Variants in PDCD1LG2 observed in about 807,000 individuals in gnomAD.
PDCD1LG2 encodes programmed cell death 1 ligand 2.
In PDCD1LG2, 32 loss-of-function variants were observed where a neutral mutation model predicts 28.2. That is an observed-to-expected ratio of 1.13 (90% CI 0.86 to 1.52). The LOEUF (loss-of-function observed/expected upper bound fraction) is 1.52. Ranked by LOEUF, PDCD1LG2 falls within the 40% of genes most tolerant of loss-of-function variation. The pLI, the probability that PDCD1LG2 is intolerant of heterozygous loss-of-function variation, is 0.00. For missense variants in PDCD1LG2, 385 were observed against 323.8 expected, an observed-to-expected ratio of 1.19 and a Z score of -1.45; for synonymous variants, 116 against 120.2, an observed-to-expected ratio of 0.97 and a Z score of 0.23.
At chr9:5,559,574 G>A (rs924455229) in intron 5 of PDCD1LG2, among the ~76,000 whole-genome samples, 27 of 152,154 alleles carry the variant, frequency 1.8e-4, no homozygotes, top group African/African-American at 6.5e-4. Flanking sequence ...TGTAAAAGGG[G>A]AAGCAGCAAG....
chr9:5,515,307 GGTTGTTTGAACAT>G (rs1820136201), intron 1 of PDCD1LG2, among the ~76,000 whole-genome samples: 2 of 152,182 alleles, frequency 1.3e-5, no homozygotes, highest in African/African-American at 4.8e-5. Context: ...GAGGTGGCAT[GGTTGTTTGAACAT>G]GTTCGTTTTT....
Position 5,553,404 on chromosome 9 carries a change from C to T in PDCD1LG2, c.631+3800C>T, listed in dbSNP as rs557210537. On this transcript the variant is annotated intron_variant, in intron 4 of 6. Coordinates refer to ENST00000397747, the MANE Select transcript of PDCD1LG2 (RefSeq NM_025239.4). ...TGGAATTGTTTATTCAACTGTCGTTCGTTATATGGAATTTCCTGCCTGGTT... is the reference window on the plus strand; with the variant it reads ...TGGAATTGTTTATTCAACTGTCGTTTGTTATATGGAATTTCCTGCCTGGTT... Among the ~76,000 whole-genome samples the T allele has an allele frequency of 2.6e-5, 4 of 152,126 alleles. No homozygotes were observed. In the South Asian group the frequency reaches 8.3e-4, roughly 32 times the overall value.
At chr9:5,513,977 T>C (rs1820108893) in intron 1 of PDCD1LG2, among the ~76,000 whole-genome samples, 3 of 152,342 alleles carry the variant, frequency 2.0e-5, no homozygotes, top group South Asian at 2.1e-4. Context: ...TTCAGATCAA[T>C]TGGGTATGCA....
chr9:5,546,524 G>T (rs1159758081), intron 3 of PDCD1LG2, among the ~76,000 whole-genome samples: 1 of 152,222 alleles, frequency 6.6e-6, no homozygotes, highest in Non-Finnish European at 1.5e-5. Flanking sequence ...GCTTCAAGGA[G>T]ATTGGTGAGT....
chr9:5,561,519 G>C (rs750786775), intron 5 of PDCD1LG2, among the ~76,000 whole-genome samples: 13 of 152,298 alleles, frequency 8.5e-5, no homozygotes, highest in South Asian at 6.2e-4. Flanking sequence ...AATACAAATT[G>C]GTTCAGTCAA....
intron 2 of PDCD1LG2, among the ~76,000 whole-genome samples, chr9:5,531,887 C>A (rs1820490863): frequency 6.6e-6 from 1 of 152,146 alleles, no homozygotes; most frequent in African/African-American, 2.4e-5. Flanking sequence ...AATTCTTGAA[C>A]TTGGCATATG....
chr9:5,523,602 T>C lies in PDCD1LG2; in HGVS notation c.55+1001T>C, dbSNP rs534146581. ...TGAGATATTCTGCTTACTTCTACTCTGCTCCTGCCTGCAGGGCCAGCTAAA... is the reference window on the plus strand; with the variant it reads ...TGAGATATTCTGCTTACTTCTACTCCGCTCCTGCCTGCAGGGCCAGCTAAA... On this transcript the variant is annotated intron_variant, in intron 2 of 6. Coordinates refer to ENST00000397747, the MANE Select transcript of PDCD1LG2 (RefSeq NM_025239.4). Among the ~76,000 whole-genome samples, 179 of 152,356 alleles carry C rather than the reference T, an allele frequency of 1.2e-3. 1 individual carries two copies. Among genetic ancestry groups the C allele is most frequent in the Non-Finnish European group, 2.1e-3 (142 of 68,036 alleles).
chr9:5,559,579 A>T (rs1182028301), intron 5 of PDCD1LG2, among the ~76,000 whole-genome samples: 2 of 152,236 alleles, frequency 1.3e-5, no homozygotes, highest in Non-Finnish European at 2.9e-5. Flanking sequence ...AAGGGGAAGC[A>T]GCAAGAGAAG....
At position 5,542,535 on chromosome 9, in the gene PDCD1LG2, T is replaced by C. The variant is rs143126263; in HGVS notation, c.362-6800T>C. On this transcript the variant is annotated intron_variant, in intron 3 of 6. Transcript: ENST00000397747. ...TCAAAAAATGGGCTAAGGACATGAA[T>C]AGACAATTCTCACAAGGAGATACAC... 2.9e-3 allele frequency among the ~76,000 whole-genome samples: 444 copies of C among 152,140 alleles called. 1 individual carries two copies. The highest frequency in any genetic ancestry group is 0.01 in the African/African-American group (431 of 41,504).
chr9:5,521,065 T>C lies in PDCD1LG2; in HGVS notation c.-14-1468T>C, dbSNP rs888941480. Among the ~76,000 whole-genome samples, 3 of 152,182 alleles carry C rather than the reference T, an allele frequency of 2.0e-5. No homozygotes were observed. The East Asian group carries it at 5.8e-4, about 29-fold the overall frequency. On this transcript the variant is annotated intron_variant, in intron 1 of 6. Transcript: ENST00000397747. ...AACGCAGTGCTGATATATGCTACAA[T>C]ACAGATGAACCTTGACAACATTATG...
At chr9:5,557,777 C>A in intron 5 of PDCD1LG2, 25 bp downstream of exon 5, 1 of 1,612,922 alleles carries the variant, frequency 6.2e-7, no homozygotes, top group Non-Finnish European at 8.5e-7. Flanking sequence ...TTCATGGTAA[C>A]CCAATGCACT....
At chr9:5,528,074 C>T (rs1439818711) in intron 2 of PDCD1LG2, among the ~76,000 whole-genome samples, 1 of 151,850 alleles carries the variant, frequency 6.6e-6, no homozygotes, top group Non-Finnish European at 1.5e-5. Context: ...AGGTGATCCA[C>T]CCACCTTGGC....
Position 5,569,836 on chromosome 9 carries a change from G to A in PDCD1LG2, c.817-118G>A, listed in dbSNP as rs972425996. The A allele has an allele frequency of 5.5e-5, 55 of 1,004,140 alleles. 1 individual carries two copies. Among genetic ancestry groups the A allele is most frequent in the Non-Finnish European group, 7.0e-5 (45 of 644,328 alleles). The allele number at this position is 1,004,140 out of a possible 1,614,324, so 62.2% of individuals were successfully genotyped here. A position where few individuals can be genotyped will look rare whatever the true frequency, so the allele number is the denominator to read the frequency against. On this transcript the variant is annotated intron_variant, in intron 6 of 6. Transcript: ENST00000397747. The surrounding 1 kb of genome is among the most constrained non-coding windows in gnomAD (Gnocchi z 4.1). ...TTAAATGAAAAGTTTTAAACCATGC[G>A]GCTTCCAGCTAGATGAACTTTTTTA...
chr9:5,546,878 G>A (rs1156750813), intron 3 of PDCD1LG2, among the ~76,000 whole-genome samples: 3 of 152,200 alleles, frequency 2.0e-5, no homozygotes, highest in South Asian at 4.1e-4. Flanking sequence ...TGACCACATG[G>A]AGACGAGAAC....
chr9:5,526,720 G>A (rs750667744), intron 2 of PDCD1LG2, among the ~76,000 whole-genome samples: 1 of 152,148 alleles, frequency 6.6e-6, no homozygotes, highest in Non-Finnish European at 1.5e-5. Flanking sequence ...TCACAGGTGT[G>A]AGCCATCACT....
intron 4 of PDCD1LG2, among the ~76,000 whole-genome samples, chr9:5,556,044 G>A (rs1432077838): frequency 6.6e-6 from 1 of 152,224 alleles, no homozygotes; most frequent in Non-Finnish European, 1.5e-5. Flanking sequence ...TGTAGCTGTT[G>A]CTTGGCTCTA....
chr9:5,528,618 T>C (rs1820424107), intron 2 of PDCD1LG2, among the ~76,000 whole-genome samples: 1 of 152,166 alleles, frequency 6.6e-6, no homozygotes, highest in Non-Finnish European at 1.5e-5. Context: ...GTTAAGTTTT[T>C]ATGTACTTAT....
intron 4 of PDCD1LG2, among the ~76,000 whole-genome samples, chr9:5,556,771 GC>G (rs2129915094): frequency 6.6e-6 from 1 of 152,246 alleles, no homozygotes; most frequent in South Asian, 2.1e-4. Flanking sequence ...TTTGAATAGG[GC>G]ACAAATTAAC....
At chr9:5,558,269 G>A (rs1816486943) in intron 5 of PDCD1LG2, among the ~76,000 whole-genome samples, 1 of 152,222 alleles carries the variant, frequency 6.6e-6, no homozygotes, top group Non-Finnish European at 1.5e-5. Context: ...GGTTGGTGGT[G>A]CATTAACGTC....
Sources: gnomAD v4.1 joint callset for allele counts (sites outside exome capture counted in the v4.1 genomes callset) on GRCh38, gnomAD v4.1.1 for gene constraint, Gnocchi (gnomAD v3.1) non-coding constraint, MANE v1.5 for transcripts, NCBI Gene and HGNC (gene_info 2026-07-23, HGNC 2026-07-21) for gene names.